The following IQANK1 variants were observed in gnomAD, a reference collection of about 807,000 sequenced individuals.
IQANK1 encodes the protein IQ motif and ankyrin repeat containing 1.
A neutral mutation model predicts 22.6 loss-of-function variants in IQANK1; 30 were observed. That is an observed-to-expected ratio of 1.33 (90% confidence interval 0.99 to 1.80). IQANK1 has a LOEUF of 1.80. Among genes scored for constraint, IQANK1 ranks in the 40% most tolerant of loss-of-function variants. The probability of loss-of-function intolerance (pLI) is 0.00; values close to 1 mark genes in which losing one functional copy is unlikely to be tolerated. For missense variants in IQANK1, 275 were observed against 235.2 expected, an observed-to-expected ratio of 1.17 and a Z score of -1.11; for synonymous variants, 122 against 99.6, an observed-to-expected ratio of 1.23 and a Z score of -1.34.
Position 143,735,890 on chromosome 8 carries a change from G to A in IQANK1, c.37G>A (p.Gly13Arg), listed in dbSNP as rs1818724281. The A allele has an allele frequency of 2.8e-6, 2 of 702,514 alleles. No homozygotes were observed. The allele number at this position is 702,514 out of a possible 1,614,324, so 43.5% of individuals were successfully genotyped here. The part of the protein sequence containing the change: ...SKKGRPKAAA[G>R]KWQTLHPGPK... ...GAAGGGGAGACCCAAAGCTGCAGCT[G>A]GGAAGTGGCAGACGCTCCACCCTGG... The change falls in exon 2 of 14, where the codon GGG (glycine) becomes AGG (arginine). Residue 13 changes from glycine (G) to arginine (R), a missense_variant. Physicochemically the swap from Gly to Arg is moderately radical, Grantham distance 125 (BLOSUM62 -2). Coordinates refer to ENST00000527139, the MANE Select transcript of IQANK1 (RefSeq NM_001381874.1). This position sits in a 1 kb window ranked among gnomAD's most constrained non-coding sequence, Gnocchi z 5.2.
chr8:143,743,951 A>G (rs970847639), intron 3 of IQANK1: 7 of 382,864 alleles, frequency 1.8e-5, no homozygotes, highest in South Asian at 1.3e-4. Context: ...CTCCTGCCTC[A>G]GCCTCCTGAG....
At chr8:143,753,438 G>A (rs1201232175) in intron 3 of IQANK1, among the ~76,000 whole-genome samples, 2 of 148,368 alleles carry the variant, frequency 1.3e-5, no homozygotes, top group African/African-American at 5.0e-5. Flanking sequence ...TGCCATCAAG[G>A]TTATTTTTAG....
rs1819587223 is a variant in IQANK1 at position 143,772,099 on chromosome 8, C to T, written c.519C>T (p.Gly173=). ...AGGGCGTGGGCCACGACGAGGCAGG[C>T]GAGGCGCGGCGGCTGCAGCGACGCG... ...TREGVGHDEA[G]EARRLQRRVA... is the part of the protein sequence containing the mutation. The change falls in exon 6 of 14, where the codon GGC becomes GGT. Residue 173 remains glycine (G), a synonymous_variant. Transcript: ENST00000527139. 1 of 395,480 alleles carries T rather than the reference C, an allele frequency of 2.5e-6. No individual in the cohort carries two copies. The highest frequency in any genetic ancestry group is 4.4e-5 in the Admixed American group (1 of 22,576). 24.5% of individuals were successfully genotyped at this position (395,480 alleles called of 1,614,324 possible). A position where few individuals can be genotyped will look rare whatever the true frequency, so the allele number is the denominator to read the frequency against.
Position 143,771,903 on chromosome 8 carries a change from C to T in IQANK1, c.409C>T (p.Arg137Cys). Residue 137 changes from arginine (R) to cysteine (C), a missense_variant, in exon 5 of 14, where the codon CGC (arginine) becomes TGC (cysteine). Coordinates refer to ENST00000527139, the MANE Select transcript of IQANK1 (RefSeq NM_001381874.1). The surrounding 1 kb of genome is among the most constrained non-coding windows in gnomAD (Gnocchi z 6.0). ...RERREELQRR[R>C]RLLDAAFDGD... ...GCGGCGGGAGGAGCTGCAGCGTCGC[C>T]GCCGCCTGCTGGACGCCGCCTTCGA... 2.5e-6 allele frequency: 1 copy of T among 393,494 alleles called. No individual in the cohort carries two copies. The highest frequency in any genetic ancestry group is 4.5e-6 in the Non-Finnish European group (1 of 223,216). The allele number at this position is 393,494 out of a possible 1,614,324, so 24.4% of individuals were successfully genotyped here. A position where few individuals can be genotyped will look rare whatever the true frequency, so the allele number is the denominator to read the frequency against.
intron 3 of IQANK1, among the ~76,000 whole-genome samples, chr8:143,762,785 A>G (rs7465067): frequency 0.58 from 88,497 of 152,058 alleles, 30,683 homozygotes; most frequent in Non-Finnish European, 0.77. Flanking sequence ...TAAGCTGACA[A>G]TGACCTAGGC....
chr8:143,783,237 G>C (rs1236931145), intron 7 of IQANK1, among the ~76,000 whole-genome samples: 7 of 152,148 alleles, frequency 4.6e-5, no homozygotes, highest in Non-Finnish European at 8.8e-5. Flanking sequence ...ACTGCCCCAT[G>C]CTCTCCCAGA....
intron 7 of IQANK1, among the ~76,000 whole-genome samples, chr8:143,772,987 C>G (rs565920627): frequency 3.9e-5 from 6 of 152,302 alleles, no homozygotes; most frequent in Middle Eastern, 3.4e-3. Flanking sequence ...CTTTCTAGAG[C>G]CTTTGAGCTA....
chr8:143,762,702 T>C (rs1819416158), intron 3 of IQANK1, among the ~76,000 whole-genome samples: 1 of 152,192 alleles, frequency 6.6e-6, no homozygotes, highest in Non-Finnish European at 1.5e-5. Flanking sequence ...TAACAGGTGG[T>C]AAATTGTATT....
chr8:143,748,807 CAT>C (rs1198603784), intron 3 of IQANK1, among the ~76,000 whole-genome samples: 2 of 40,142 alleles, frequency 5.0e-5, no homozygotes, highest in African/African-American at 1.2e-4. Context: ...AAATATATAT[CAT>C]ATAAATATAT....
intron 7 of IQANK1, among the ~76,000 whole-genome samples, chr8:143,783,871 A>ATAT (rs1819839939): frequency 6.6e-6 from 1 of 152,164 alleles, no homozygotes; most frequent in South Asian, 2.1e-4. Flanking sequence ...ACTGTGCCCT[A>ATAT]AGTCAAGTGT....
Position 143,772,118 on chromosome 8 carries a change from C to A in IQANK1, c.538C>A (p.Arg180=), listed in dbSNP as rs533614574. ...DEAGEARRLQ[R]RVALAECEDS... ...GGCAGGCGAGGCGCGGCGGCTGCAG[C>A]GACGCGTGGCTCTGGCGGAGTGCGA... Residue 180 remains arginine, a synonymous_variant, in exon 6 of 14, where the codon CGA becomes AGA. Coordinates refer to ENST00000527139, the MANE Select transcript of IQANK1 (RefSeq NM_001381874.1). 3.0e-4 allele frequency: 117 copies of A among 395,830 alleles called. 1 individual carries two copies. The highest frequency in any genetic ancestry group is 2.1e-3 in the African/African-American group (103 of 48,558). 24.5% of individuals were successfully genotyped at this position (395,830 alleles called of 1,614,324 possible).
chr8:143,772,607 A>T (rs1385751874), intron 7 of IQANK1, 125 bp downstream of exon 7: 2 of 397,166 alleles, frequency 5.0e-6, no homozygotes, highest in Admixed American at 8.8e-5. Context: ...ACACCCAGGC[A>T]GGGAAGGCTC....
At chr8:143,736,588 G>A (rs1399769182) in intron 2 of IQANK1, among the ~76,000 whole-genome samples, 1 of 152,268 alleles carries the variant, frequency 6.6e-6, no homozygotes, top group South Asian at 2.1e-4. Flanking sequence ...TTTGAAACAG[G>A]AGGGTTTGAG....
intron 3 of IQANK1, among the ~76,000 whole-genome samples, chr8:143,749,138 ATATC>A (rs1819124768): frequency 8.1e-6 from 1 of 122,988 alleles, no homozygotes; most frequent in Admixed American, 9.3e-5. Flanking sequence ...TATATGATAT[ATATC>A]ATACATGATA....
Position 143,789,347 on chromosome 8 carries a change from G to A in IQANK1, c.994-89G>A. On this transcript the variant is annotated intron_variant, in intron 9 of 13. Transcript: ENST00000527139. Reference sequence around the variant, plus strand: ...AGGAAGCTGGGGGAAGAGCCAGGAGGGGAGGTGTCCTCAGGCCCCTGGGCC... The same window carrying A: ...AGGAAGCTGGGGGAAGAGCCAGGAGAGGAGGTGTCCTCAGGCCCCTGGGCC... The A allele has an allele frequency of 3.3e-6, 2 of 603,708 alleles. 1 individual carries two copies. The highest frequency in any genetic ancestry group is 3.8e-5 in the African/African-American group (2 of 52,586). The allele number at this position is 603,708 out of a possible 1,614,324, so 37.4% of individuals were successfully genotyped here.
intron 2 of IQANK1, among the ~76,000 whole-genome samples, chr8:143,739,125 A>G (rs1206207836): frequency 1.3e-5 from 2 of 152,126 alleles, no homozygotes; most frequent in African/African-American, 4.8e-5. Flanking sequence ...GCTGTCCTGC[A>G]CTGCACTGCA....
intron 3 of IQANK1, among the ~76,000 whole-genome samples, chr8:143,761,271 GC>G (rs1819391691): frequency 1.3e-5 from 2 of 152,280 alleles, no homozygotes; most frequent in Admixed American, 6.5e-5. Flanking sequence ...TGGCGGGACG[GC>G]CTCCCGTCTC....
chr8:143,789,141 T>TGGGGGCGCTGGC (rs1157381276), intron 8 of IQANK1, 48 bp from the exon 9 acceptor site: 5 of 400,652 alleles, frequency 1.2e-5, no homozygotes, highest in Non-Finnish European at 4.4e-6. Flanking sequence ...GGGGTGCTGG[T>TGGGGGCGCTGGC]GGGGGCGCTG....
At chr8:143,755,555 G>C (rs922944635) in intron 3 of IQANK1, among the ~76,000 whole-genome samples, 11 of 152,060 alleles carry the variant, frequency 7.2e-5, no homozygotes, top group African/African-American at 2.7e-4. Context: ...GTAGAGATGG[G>C]GTTTCATCAT....
Sources: allele counts gnomAD v4.1 joint callset (sites outside exome capture counted in the v4.1 genomes callset), GRCh38; gene constraint gnomAD v4.1.1; non-coding constraint Gnocchi (gnomAD v3.1); transcripts MANE v1.5; gene names NCBI Gene and HGNC (gene_info 2026-07-23, HGNC 2026-07-21).